Variants in SLC24A1 observed in about 807,000 individuals in gnomAD.
SLC24A1 encodes solute carrier family 24 member 1.
In SLC24A1, 52 loss-of-function variants were observed where a neutral mutation model predicts 88.1. The observed-to-expected ratio is 0.59, with a 90% CI of 0.47 to 0.74. SLC24A1 has a LOEUF of 0.74. SLC24A1 is among the 30% of genes least tolerant of loss of function. The pLI is 0.00. For missense variants in SLC24A1, 1,173 were observed against 1,363.3 expected, an observed-to-expected ratio of 0.86 and a Z score of 2.20; for synonymous variants, 455 against 498.0, an observed-to-expected ratio of 0.91 and a Z score of 1.15.
Position 65,639,465 on chromosome 15 carries a change from G to A in SLC24A1, c.1945-130G>A, listed in dbSNP as rs140404106. On this transcript the variant is annotated intron_variant, in intron 3 of 9. Transcript: ENST00000261892. Reference sequence around the variant, plus strand: ...TTCTGGTTGGAGGTGGAGGAAGAGGGGAGGTCAGGATAAGGCATCTGTGCT... The same window carrying A: ...TTCTGGTTGGAGGTGGAGGAAGAGGAGAGGTCAGGATAAGGCATCTGTGCT... 764 of 626,448 alleles carry A rather than the reference G, an allele frequency of 1.2e-3. 1 individual carries two copies. The highest frequency in any genetic ancestry group is 7.7e-3 in the Middle Eastern group (22 of 2,874). 38.8% of individuals were successfully genotyped at this position (626,448 alleles called of 1,614,324 possible).
intron 5 of SLC24A1, among the ~76,000 whole-genome samples, chr15:65,644,927 C>T (rs542911338): frequency 5.9e-5 from 9 of 152,138 alleles, no homozygotes; most frequent in Non-Finnish European, 1.2e-4. Flanking sequence ...ATCAGCAACC[C>T]CAGTGAGGGA....
chr15:65,652,113 C>A (rs1051206819), intron 8 of SLC24A1: 2 of 366,874 alleles, frequency 5.5e-6, no homozygotes, highest in African/African-American at 4.2e-5. Context: ...TGCTCTCTGG[C>A]ATTCAATTAG....
At chr15:65,636,767 T>C (rs2074949183) in intron 2 of SLC24A1, among the ~76,000 whole-genome samples, 1 of 151,876 alleles carries the variant, frequency 6.6e-6, no homozygotes, top group Admixed American at 6.5e-5. Flanking sequence ...TCCCAGCTAC[T>C]TGGGAGGCTG....
intron 6 of SLC24A1, among the ~76,000 whole-genome samples, chr15:65,647,464 A>G (rs62014373): frequency 7.6e-6 from 1 of 132,318 alleles, no homozygotes; most frequent in Non-Finnish European, 1.6e-5. Flanking sequence ...GGTGACAGAG[A>G]GAGACTGTCT....
At chr15:65,627,807 C>T (rs1463541890) in intron 2 of SLC24A1, among the ~76,000 whole-genome samples, 2 of 152,158 alleles carry the variant, frequency 1.3e-5, no homozygotes, top group East Asian at 3.8e-4. Context: ...ACCATCAAAG[C>T]AAAGCTTGCA....
intron 2 of SLC24A1, among the ~76,000 whole-genome samples, chr15:65,613,480 T>TTGTGTGTGTGTGTG (rs35141100): frequency 0.047 from 7,002 of 149,050 alleles, 157 homozygotes; most frequent in Middle Eastern, 0.059. Context: ...CAGGGTGATT[T>TTGTGTGTGTGTGTG]TGTGTGTGTG....
At chr15:65,618,644 G>A (rs985387977), upstream of SLC24A1, among the ~76,000 whole-genome samples, 4 of 152,150 alleles carry the variant, frequency 2.6e-5, no homozygotes, top group African/African-American at 9.7e-5. Flanking sequence ...CGGTATCTTC[G>A]ATGGCACTGG....
chr15:65,617,673 CAG>C (rs971541788), upstream of SLC24A1, among the ~76,000 whole-genome samples: 3 of 152,188 alleles, frequency 2.0e-5, no homozygotes, highest in Non-Finnish European at 2.9e-5. Context: ...CATCTGCAAA[CAG>C]GGACAATTTG....
rs1231420010 is a variant in SLC24A1, at chr15:65,655,383, T to C, written c.*1304T>C. ...AATTACAAAAGGGAAATTCCAAGAA[T>C]GCATAACACAATGACAACATGGTGA... On this transcript the variant is annotated 3_prime_UTR_variant, in exon 10 of 10. Transcript: ENST00000261892. The C allele has an allele frequency of 1.0e-6, 1 of 985,296 alleles. No homozygotes were observed. Among genetic ancestry groups the C allele is most frequent in the Admixed American group, 6.1e-5 (1 of 16,262 alleles). The allele number at this position is 985,296 out of a possible 1,614,324, so 61.0% of individuals were successfully genotyped here.
Position 65,652,798 on chromosome 15 carries a change from A to T in SLC24A1, c.3040A>T (p.Ile1014Phe). 1 of 1,606,400 alleles carries T rather than the reference A, an allele frequency of 6.2e-7. No individual in the cohort carries two copies. The highest frequency in any genetic ancestry group is 8.5e-7 in the Non-Finnish European group (1 of 1,174,044). Reference sequence around the variant, plus strand: ...CTCTGTGGGCAGTAACATATTTGATATCACTGTGGGGTGAGTGGCAATGTA... The same window carrying T: ...CTCTGTGGGCAGTAACATATTTGATTTCACTGTGGGGTGAGTGGCAATGTA... ...SSSVGSNIFD[I>F]TVGLPVPWLL... is the part of the protein sequence containing the mutation. The change falls in exon 9 of 10, where the codon ATC becomes TTC. Residue 1014 changes from isoleucine to phenylalanine, a missense_variant. Ile to Phe is a conservative substitution (Grantham distance 21). Coordinates refer to ENST00000261892, the MANE Select transcript of SLC24A1 (RefSeq NM_004727.3).
Position 65,655,636 on chromosome 15 carries a change from G to A in SLC24A1, c.*1557G>A. On this transcript the variant is annotated 3_prime_UTR_variant, in exon 10 of 10. Coordinates refer to ENST00000261892, the MANE Select transcript of SLC24A1 (RefSeq NM_004727.3). ...GACTGCAGATTATGATGGTAAATATGGCTTTAATTACAAACATGAGGAATG... is the reference window on the plus strand; with the variant it reads ...GACTGCAGATTATGATGGTAAATATAGCTTTAATTACAAACATGAGGAATG... 1.0e-6 allele frequency: 1 copy of A among 985,302 alleles called. No individual in the cohort carries two copies. The highest frequency in any genetic ancestry group is 1.2e-6 in the Non-Finnish European group (1 of 829,902). The allele number at this position is 985,302 out of a possible 1,614,324, so 61.0% of individuals were successfully genotyped here.
Position 65,654,241 on chromosome 15 carries a change from G to T in SLC24A1, c.*162G>T. 1.1e-5 allele frequency: 16 copies of T among 1,419,628 alleles called. No homozygotes were observed. Among genetic ancestry groups the T allele is most frequent in the Non-Finnish European group, 1.4e-5 (15 of 1,092,856 alleles). The allele number at this position is 1,419,628 out of a possible 1,614,324, so 87.9% of individuals were successfully genotyped here. The stretch of plus-strand genomic sequence containing the variant: ...GATCTGAGACTAAAGTTTGTCCTTG[G>T]AAACACCTGCAGCTCATTGTGGATT... On this transcript the variant is annotated 3_prime_UTR_variant, in exon 10 of 10. Transcript: ENST00000261892.
chr15:65,644,994 G>A (rs558340648), intron 5 of SLC24A1, among the ~76,000 whole-genome samples: 1 of 152,358 alleles, frequency 6.6e-6, no homozygotes, highest in East Asian at 1.9e-4. Flanking sequence ...AGCTAGGACT[G>A]AGAAAGTGGG....
In SLC24A1 at chr15:65,654,158, A is replaced by G. The variant is rs1253147282; in HGVS notation, c.*79A>G. 3 of 1,544,674 alleles carry G rather than the reference A, an allele frequency of 1.9e-6. No individual in the cohort carries two copies. Among genetic ancestry groups the G allele is most frequent in the South Asian group, 1.3e-5 (1 of 77,586 alleles). Reference sequence around the variant, plus strand: ...CTGTATCTCTTGTGACCCTAATGAAAGAATGTATATGATCCTGGAAAGTGA... The same window carrying G: ...CTGTATCTCTTGTGACCCTAATGAAGGAATGTATATGATCCTGGAAAGTGA... On this transcript the variant is annotated 3_prime_UTR_variant, in exon 10 of 10. Transcript: ENST00000261892.
At position 65,650,141 on chromosome 15, in the gene SLC24A1, T is replaced by C. The variant is rs1460443069; in HGVS notation, c.2233-241T>C. 6.6e-6 allele frequency among the ~76,000 whole-genome samples: 1 copy of C among 152,146 alleles called. No individual in the cohort carries two copies. The highest frequency in any genetic ancestry group is 2.4e-5 in the African/African-American group (1 of 41,414). On this transcript the variant is annotated intron_variant, in intron 6 of 9. Transcript: ENST00000261892. This position sits in a 1 kb window ranked among gnomAD's most constrained non-coding sequence, Gnocchi z 4.1. ...TCAGATGAATCAGAGGTGCCAAAGATGACAGAAGCTGCTTCAGGTGGTGAG... is the reference window on the plus strand; with the variant it reads ...TCAGATGAATCAGAGGTGCCAAAGACGACAGAAGCTGCTTCAGGTGGTGAG...
intron 6 of SLC24A1, among the ~76,000 whole-genome samples, chr15:65,648,297 C>T (rs1185313538): frequency 6.6e-6 from 1 of 152,014 alleles, no homozygotes; most frequent in East Asian, 1.9e-4. Context: ...TTTTAATGTG[C>T]AGCACAATTG....
At chr15:65,623,926 TA>T in intron 1 of SLC24A1, 28 bp from the exon 2 acceptor site, 1 of 610,350 alleles carries the variant, frequency 1.6e-6, no homozygotes, top group Non-Finnish European at 2.9e-6. Context: ...CTCTTAGTGG[TA>T]AATAATCTCT....
At chr15:65,623,141 C>T (rs1031505757) in intron 1 of SLC24A1, among the ~76,000 whole-genome samples, 2 of 152,162 alleles carry the variant, frequency 1.3e-5, no homozygotes, top group African/African-American at 4.8e-5. Context: ...TTATAACATG[C>T]ACATGATAAA....
At chr15:65,657,838 C>T (rs1005842369), downstream of SLC24A1, among the ~76,000 whole-genome samples, 4 of 152,144 alleles carry the variant, frequency 2.6e-5, no homozygotes, top group African/African-American at 7.2e-5. Context: ...GGTTCACTAA[C>T]GCCTACAGGA....
Sources: gnomAD v4.1 joint callset for allele counts (sites outside exome capture counted in the v4.1 genomes callset) on GRCh38, gnomAD v4.1.1 for gene constraint, Gnocchi (gnomAD v3.1) non-coding constraint, MANE v1.5 for transcripts, NCBI Gene and HGNC (gene_info 2026-07-23, HGNC 2026-07-21) for gene names.